TAF3: variants seen among roughly 807,000 people sequenced by gnomAD.
TAF3 encodes TATA-box binding protein associated factor 3.
Under a neutral mutation model 80.6 loss-of-function variants are expected in TAF3, and 7 were observed. That is an observed-to-expected ratio of 0.09 (90% CI 0.05 to 0.16). The LOEUF (loss-of-function observed/expected upper bound fraction) is 0.16. Ranked by LOEUF, TAF3 falls within the 10% of genes least tolerant of loss-of-function variation. The pLI is 1.00. For missense variants in TAF3, 921 were observed against 1,140.2 expected (o/e 0.81, Z 2.77); for synonymous variants, 444 against 446.1 (o/e 1.00, Z 0.06).
At chr10:7,858,382 G>A (rs957732602) in intron 2 of TAF3, among the ~76,000 whole-genome samples, 6 of 152,088 alleles carry the variant, frequency 3.9e-5, no homozygotes, top group African/African-American at 1.4e-4. Flanking sequence ...TCTTCCTGGC[G>A]CTTGATCCTT....
intron 3 of TAF3, among the ~76,000 whole-genome samples, chr10:7,971,303 G>A (rs1264975564): frequency 1.3e-5 from 2 of 152,172 alleles, no homozygotes; most frequent in Admixed American, 1.3e-4. Context: ...GATGGTTACA[G>A]CCATAGTTCA....
rs191853207 is a variant in TAF3 at position 8,014,953 on chromosome 10, C to A, written c.*202C>A. ...CTTGGCCTGTGGCTCCGTGGCAGTG[C>A]GACAGAAGGAAACTCAAGCAGAGGC... On this transcript the variant is annotated 3_prime_UTR_variant, in exon 7 of 7. Coordinates refer to ENST00000344293, the MANE Select transcript of TAF3 (RefSeq NM_031923.4). 2.2e-6 allele frequency: 1 copy of A among 446,042 alleles called. No homozygotes were observed. Among genetic ancestry groups the A allele is most frequent in the East Asian group, 3.9e-5 (1 of 25,492 alleles). The allele number at this position is 446,042 out of a possible 1,614,324, so 27.6% of individuals were successfully genotyped here.
rs1366268967 is a variant in TAF3 at position 7,964,373 on chromosome 10, C to T, written c.863C>T (p.Thr288Ile). 1.2e-6 allele frequency: 2 copies of T among 1,614,142 alleles called. No individual in the cohort carries two copies. Among genetic ancestry groups the T allele is most frequent in the Admixed American group, 3.3e-5 (2 of 60,026 alleles). ...SPGQKTKSPK[T>I]AQSPAMVGSP... ...GGACAGAAGACTAAATCACCTAAAA[C>T]CGCCCAGTCACCAGCAATGGTCGGA... The change falls in exon 3 of 7, where the codon ACC becomes ATC. Residue 288 changes from threonine to isoleucine, a missense_variant. Physicochemically the swap from Thr to Ile is moderately conservative, Grantham distance 89. Coordinates refer to ENST00000344293, the MANE Select transcript of TAF3 (RefSeq NM_031923.4). The surrounding 1 kb of genome is among the most constrained non-coding windows in gnomAD (Gnocchi z 4.1).
At chr10:7,999,235 AGC>A (rs1831919388) in intron 4 of TAF3, among the ~76,000 whole-genome samples, 1 of 152,150 alleles carries the variant, frequency 6.6e-6, no homozygotes, top group South Asian at 2.1e-4. Flanking sequence ...ATATTTCTTG[AGC>A]TGCTGTGTTT....
At chr10:7,896,616 G>T (rs979593413) in intron 2 of TAF3, among the ~76,000 whole-genome samples, 1 of 152,172 alleles carries the variant, frequency 6.6e-6, no homozygotes, top group African/African-American at 2.4e-5. Flanking sequence ...TGGGACAGAG[G>T]TCTTTCATAA....
At chr10:7,933,890 T>C (rs564719655) in intron 2 of TAF3, among the ~76,000 whole-genome samples, 1 of 152,188 alleles carries the variant, frequency 6.6e-6, no homozygotes, top group Non-Finnish European at 1.5e-5. Context: ...TTCCCCCCGA[T>C]TTTAGCATTT....
intron 1 of TAF3, among the ~76,000 whole-genome samples, chr10:7,822,903 A>G (rs1836703870): frequency 6.6e-6 from 1 of 152,216 alleles, no homozygotes; most frequent in Non-Finnish European, 1.5e-5. Context: ...CTAACTTTTT[A>G]TCTCTGTTTT....
At chr10:7,928,677 A>G (rs1588555332) in intron 2 of TAF3, among the ~76,000 whole-genome samples, 3 of 152,098 alleles carry the variant, frequency 2.0e-5, no homozygotes, top group Non-Finnish European at 2.9e-5. Flanking sequence ...TGGTTTTTCT[A>G]TTCCTTCTGG....
At chr10:7,899,310 C>T (rs1375675111) in intron 2 of TAF3, among the ~76,000 whole-genome samples, 2 of 152,108 alleles carry the variant, frequency 1.3e-5, no homozygotes, top group Admixed American at 6.6e-5. Context: ...AAGAAGGAAT[C>T]GCTGCCTGGC....
chr10:7,939,937 A>G (rs1387283022), intron 2 of TAF3, among the ~76,000 whole-genome samples: 1 of 152,212 alleles, frequency 6.6e-6, no homozygotes, highest in Non-Finnish European at 1.5e-5. Context: ...ATTTTTCAGA[A>G]GAAAAACGTA....
chr10:7,910,655 A>G (rs1055107002), intron 2 of TAF3, among the ~76,000 whole-genome samples: 1 of 152,196 alleles, frequency 6.6e-6, no homozygotes, highest in Non-Finnish European at 1.5e-5. Flanking sequence ...TGCTGGGATT[A>G]CAGGTGTGAG....
At chr10:7,860,516 A>G (rs1837133430) in intron 2 of TAF3, among the ~76,000 whole-genome samples, 1 of 152,148 alleles carries the variant, frequency 6.6e-6, no homozygotes, top group South Asian at 2.1e-4. Context: ...TTATGGAATT[A>G]TTTCGAGATA....
At position 7,837,324 on chromosome 10, in the gene TAF3, C is replaced by CTGTG. The variant is rs1165120398; in HGVS notation, c.409+12765_409+12768dup. Among the ~76,000 whole-genome samples, 8 of 142,334 alleles carry CTGTG rather than the reference C, an allele frequency of 5.6e-5. No individual in the cohort carries two copies. The South Asian group carries it at 6.8e-4, about 12-fold the overall frequency. The allele number at this position is 142,334 out of a possible 152,430, so 93.4% of individuals were successfully genotyped here. On this transcript the variant is annotated intron_variant, in intron 2 of 6. Transcript: ENST00000344293. ...GTTGCAGTGAGCCGAGATTGCACCA[C>CTGTG]TGTGCTCCAGTCTGGGCAAAAAAAA... is the stretch of plus-strand genomic sequence containing the variant.
chr10:7,964,184 C>T lies in TAF3; in HGVS notation c.674C>T (p.Pro225Leu). 1 of 1,614,192 alleles carries T rather than the reference C, an allele frequency of 6.2e-7. No homozygotes were observed. The highest frequency in any genetic ancestry group is 8.5e-7 in the Non-Finnish European group (1 of 1,180,038). Residue 225 changes from proline (P) to leucine (L), a missense_variant, in exon 3 of 7, where the codon CCA becomes CTA. Coordinates refer to ENST00000344293, the MANE Select transcript of TAF3 (RefSeq NM_031923.4). This position sits in a 1 kb window ranked among gnomAD's most constrained non-coding sequence, Gnocchi z 4.1. ...PLSSINTQKI[P>L]PMLSPVHVQD... ...AGCTCAATAAATACTCAAAAGATCCCACCAATGCTTTCTCCAGTCCATGTA... is the reference window on the plus strand; with the variant it reads ...AGCTCAATAAATACTCAAAAGATCCTACCAATGCTTTCTCCAGTCCATGTA...
intron 4 of TAF3, among the ~76,000 whole-genome samples, chr10:7,987,879 C>T (rs530274668): frequency 5.5e-4 from 83 of 152,266 alleles, no homozygotes; most frequent in African/African-American, 1.9e-3. Flanking sequence ...TCCCAGATCT[C>T]TTCTGAAATC....
intron 2 of TAF3, among the ~76,000 whole-genome samples, chr10:7,863,724 TATATATATACACATATATATATACAC>T (rs1564350967): frequency 9.5e-6 from 1 of 105,452 alleles, no homozygotes; most frequent in East Asian, 2.7e-4. Context: ...TATATACACA[TATATATATACACATATATATATACAC>T]ATATATATAT....
rs140387892 is a variant in TAF3, at chr10:8,003,416, G to A, written c.2316-5662G>A. Among the ~76,000 whole-genome samples the A allele has an allele frequency of 5.0e-3, 763 of 152,222 alleles. 8 individuals are homozygous for A. Among genetic ancestry groups the A allele is most frequent in the African/African-American group, 0.012 (485 of 41,538 alleles). ...TTACTGGCTTACATATCATTATGTTGTGTAATGAATTATGTAAACACTTGG... is the reference window on the plus strand; with the variant it reads ...TTACTGGCTTACATATCATTATGTTATGTAATGAATTATGTAAACACTTGG... On this transcript the variant is annotated intron_variant, in intron 4 of 6. Transcript: ENST00000344293.
rs114571316 is a variant in TAF3 at position 7,847,744 on chromosome 10, A to C, written c.409+23184A>C. 8.7e-3 allele frequency among the ~76,000 whole-genome samples: 1,286 copies of C among 148,234 alleles called. 19 individuals carry two copies. The highest frequency in any genetic ancestry group is 0.03 in the African/African-American group (1,211 of 40,152). ...ACAGATGTGAGCTACCATGCCTGGT[A>C]TGTTTAGATTCTTGTTAAAACTTCT... On this transcript the variant is annotated intron_variant, in intron 2 of 6. Coordinates refer to ENST00000344293, the MANE Select transcript of TAF3 (RefSeq NM_031923.4).
At chr10:7,965,793 A>G in intron 3 of TAF3, 51 bp downstream of exon 3, 5 of 1,430,446 alleles carry the variant, frequency 3.5e-6, no homozygotes, top group Non-Finnish European at 4.6e-6. Flanking sequence ...CTAGTGAGAA[A>G]CACAGGTAAA....
Sources: allele counts gnomAD v4.1 joint callset (sites outside exome capture counted in the v4.1 genomes callset), GRCh38; gene constraint gnomAD v4.1.1; non-coding constraint Gnocchi (gnomAD v3.1); transcripts MANE v1.5; gene names NCBI Gene and HGNC (gene_info 2026-07-23, HGNC 2026-07-21).